The following CISD1 variants were observed in gnomAD, a reference collection of about 807,000 sequenced individuals.
The protein encoded by CISD1 is CDGSH iron-sulfur domain-containing protein 1.
Under a neutral mutation model 12.0 loss-of-function variants are expected in CISD1, and 8 were observed. The observed-to-expected ratio is 0.67, with a 90% CI of 0.39 to 1.20. The LOEUF (loss-of-function observed/expected upper bound fraction) is 1.20, where lower values mean the gene tolerates loss of function less well. CISD1 is among the 50% of genes most tolerant of loss of function. The pLI, the probability that CISD1 is intolerant of heterozygous loss-of-function variation, is 0.01. For missense variants in CISD1, 107 were observed against 132.7 expected (o/e 0.81, Z 0.95); for synonymous variants, 38 against 42.2 (o/e 0.90, Z 0.39).
At chr10:58,274,366 C>T (rs1839286431) in intron 1 of CISD1, among the ~76,000 whole-genome samples, 1 of 151,200 alleles carries the variant, frequency 6.6e-6, no homozygotes, top group Non-Finnish European at 1.5e-5. Context: ...TTTAGAGTTG[C>T]CAGTGGCATC....
chr10:58,271,070 C>T (rs1268057282), intron 1 of CISD1, among the ~76,000 whole-genome samples: 4 of 123,014 alleles, frequency 3.3e-5, no homozygotes, highest in Non-Finnish European at 6.4e-5. Context: ...GGCGGAGTCT[C>T]GCTCTGTCGC....
chr10:58,278,489 G>T (rs1369935833), intron 2 of CISD1, among the ~76,000 whole-genome samples: 2 of 150,846 alleles, frequency 1.3e-5, no homozygotes, highest in Non-Finnish European at 2.9e-5. Context: ...ATTGCATCAC[G>T]CTGTGATTGC....
At chr10:58,275,338 A>G (rs928771585) in intron 1 of CISD1, among the ~76,000 whole-genome samples, 3 of 152,216 alleles carry the variant, frequency 2.0e-5, no homozygotes, top group Admixed American at 2.0e-4. Flanking sequence ...ATGGTAAATA[A>G]CATTAGAAAG....
chr10:58,276,996 A>G (rs1839321903), intron 1 of CISD1, 121 bp from the exon 2 acceptor site: 2 of 648,660 alleles, frequency 3.1e-6, no homozygotes, highest in Admixed American at 3.2e-5. Flanking sequence ...TTTTGTTAAC[A>G]TTAAAAACCT....
intron 1 of CISD1, chr10:58,276,048 T>A (rs1839312040): frequency 6.6e-6 from 1 of 152,186 alleles, no homozygotes; most frequent in Non-Finnish European, 1.5e-5. Flanking sequence ...ACACTGAAGA[T>A]CTGACTCAGG....
At chr10:58,286,046 A>T (rs534991315) in intron 2 of CISD1, among the ~76,000 whole-genome samples, 173 of 152,182 alleles carry the variant, frequency 1.1e-3, no homozygotes, top group Non-Finnish European at 2.1e-3. Flanking sequence ...TCTACTAAAA[A>T]TACAAAAAAT....
intron 1 of CISD1, among the ~76,000 whole-genome samples, chr10:58,271,824 T>A (rs1839253310): frequency 6.6e-6 from 1 of 152,200 alleles, no homozygotes; most frequent in Non-Finnish European, 1.5e-5. Flanking sequence ...AATGAATGAT[T>A]GGAACTGAAA....
At chr10:58,283,475 A>G in intron 2 of CISD1, among the ~76,000 whole-genome samples, 1 of 152,228 alleles carries the variant, frequency 6.6e-6, no homozygotes, top group East Asian at 1.9e-4. Flanking sequence ...TATGGTAATG[A>G]GCCAAAATGG....
chr10:58,280,108 A>G (rs1839357760), intron 2 of CISD1, among the ~76,000 whole-genome samples: 2 of 152,242 alleles, frequency 1.3e-5, no homozygotes, highest in South Asian at 4.1e-4. Flanking sequence ...GACTCTCAAA[A>G]TCTGCAAGGA....
rs889650677 is a variant in CISD1, at chr10:58,289,128, T to C, written c.*1478T>C. Reference sequence around the variant, plus strand: ...TCTAAAATCCTACAAACTGATTCTATTAGATTCTTAGGGTAAATTTTTTCT... The same window carrying C: ...TCTAAAATCCTACAAACTGATTCTACTAGATTCTTAGGGTAAATTTTTTCT... On this transcript the variant is annotated 3_prime_UTR_variant, in exon 3 of 3. Coordinates refer to ENST00000333926, the MANE Select transcript of CISD1 (RefSeq NM_018464.5). The C allele has an allele frequency of 1.3e-5, 2 of 152,192 alleles. No homozygotes were observed. The highest frequency in any genetic ancestry group is 4.8e-5 in the African/African-American group (2 of 41,448). The allele number at this position is 152,192 out of a possible 1,614,324, so 9.4% of individuals were successfully genotyped here.
At chr10:58,284,171 C>CA (rs146824533) in intron 2 of CISD1, among the ~76,000 whole-genome samples, 2,876 of 151,960 alleles carry the variant, frequency 0.019, 51 homozygotes, top group Non-Finnish European at 0.028. Flanking sequence ...CTTGTCTCCA[C>CA]AAAAAAATGC....
chr10:58,271,276 G>A (rs1839245674), intron 1 of CISD1, among the ~76,000 whole-genome samples: 1 of 151,614 alleles, frequency 6.6e-6, no homozygotes, highest in Non-Finnish European at 1.5e-5. Flanking sequence ...TCCTGACCTC[G>A]TGATTCGCCC....
chr10:58,277,232 C>A lies in CISD1; in HGVS notation c.147C>A (p.Ile49=), dbSNP rs1839325283. The part of the protein sequence containing the change: ...HRNKAMINLH[I]QKDNPKIVHA... ...ATAAAGCTATGATAAACCTTCACATCCAGAAAGACAACCCCAAGATAGTAC... is the reference window on the plus strand; with the variant it reads ...ATAAAGCTATGATAAACCTTCACATACAGAAAGACAACCCCAAGATAGTAC... The change falls in exon 2 of 3, where the codon ATC becomes ATA. Residue 49 remains isoleucine (I), a synonymous_variant. Coordinates refer to ENST00000333926, the MANE Select transcript of CISD1 (RefSeq NM_018464.5). 5 of 1,612,862 alleles carry A rather than the reference C, an allele frequency of 3.1e-6. No individual in the cohort carries two copies. Among genetic ancestry groups the A allele is most frequent in the Non-Finnish European group, 3.4e-6 (4 of 1,179,420 alleles).
Position 58,277,161 on chromosome 10 carries a change from A to G in CISD1, c.76A>G (p.Ile26Val). The change falls in exon 2 of 3, where the codon ATT (isoleucine) becomes GTT (valine). Residue 26 changes from isoleucine (I) to valine (V), a missense_variant. By Grantham distance (29) the Ile-to-Val change is conservative (BLOSUM62 3). Transcript: ENST00000333926. The part of the protein sequence containing the change: ...AVTIAAGTAA[I>V]GYLAYKRFYV... ...TACCATTGCTGCTGGGACAGCTGCA[A>G]TTGGTTATCTAGCTTACAAAAGATT... The G allele has an allele frequency of 6.2e-7, 1 of 1,612,514 alleles. No homozygotes were observed. The highest frequency in any genetic ancestry group is 8.5e-7 in the Non-Finnish European group (1 of 1,179,184).
chr10:58,278,757 C>T (rs1839342681), intron 2 of CISD1, among the ~76,000 whole-genome samples: 2 of 152,058 alleles, frequency 1.3e-5, no homozygotes, highest in African/African-American at 4.8e-5. Context: ...CTGAAATGCT[C>T]AAAAATTTGA....
At position 58,277,347 on chromosome 10, in the gene CISD1, A is replaced by C. The variant is rs373134306; in HGVS notation, c.237+25A>C. On this transcript the variant is annotated intron_variant, in intron 2 of 2. Transcript: ENST00000333926. ...GGTGAGGAAAGCAATTCCTTCATAC[A>C]GTACCATTTTTAATGTTATATTTCT... The C allele has an allele frequency of 7.2e-5, 104 of 1,441,004 alleles. No individual in the cohort carries two copies. In the African/African-American group the frequency reaches 1.4e-3, roughly 19 times the overall value. 89.3% of individuals were successfully genotyped at this position (1,441,004 alleles called of 1,614,324 possible). A position where few individuals can be genotyped will look rare whatever the true frequency, so the allele number is the denominator to read the frequency against.
At chr10:58,275,357 T>C (rs1201280329) in intron 1 of CISD1, among the ~76,000 whole-genome samples, 1 of 152,202 alleles carries the variant, frequency 6.6e-6, no homozygotes, top group African/African-American at 2.4e-5. Context: ...AGGAAGATCA[T>C]GAATCTAGCC....
chr10:58,282,528 A>G (rs767370306), intron 2 of CISD1, among the ~76,000 whole-genome samples: 4 of 152,240 alleles, frequency 2.6e-5, no homozygotes, highest in South Asian at 2.1e-4. Context: ...AAAAGTGTAC[A>G]TGCTCAGTAC....
At position 58,288,193 on chromosome 10, in the gene CISD1, G is replaced by C. The variant is rs895922017; in HGVS notation, c.*543G>C. On this transcript the variant is annotated 3_prime_UTR_variant, in exon 3 of 3. Transcript: ENST00000333926. ...GTTTTTCACCGTTTTCAATCAAAAT[G>C]ATTGATAAATGTTATTCTGTTTAAT... The C allele has an allele frequency of 3.3e-5, 5 of 152,152 alleles. No individual in the cohort carries two copies. The highest frequency in any genetic ancestry group is 2.9e-5 in the Non-Finnish European group (2 of 67,990). 9.4% of individuals were successfully genotyped at this position (152,152 alleles called of 1,614,324 possible). A position where few individuals can be genotyped will look rare whatever the true frequency, so the allele number is the denominator to read the frequency against.
Sources: allele counts gnomAD v4.1 joint callset (sites outside exome capture counted in the v4.1 genomes callset), GRCh38; gene constraint gnomAD v4.1.1; transcripts MANE v1.5; gene names NCBI Gene and HGNC (gene_info 2026-07-23, HGNC 2026-07-21).